The following FRMD3 variants were observed in gnomAD, a reference collection of about 807,000 sequenced individuals.
FRMD3 encodes FERM domain-containing protein 3.
Under a neutral mutation model 70.2 loss-of-function variants are expected in FRMD3, and 33 were observed. The observed-to-expected ratio is 0.47, with a 90% CI of 0.36 to 0.63. FRMD3 has a LOEUF of 0.63. Among genes scored for constraint, FRMD3 ranks in the 20% least tolerant of loss-of-function variants. FRMD3 has a pLI of 0.00. For synonymous variants in FRMD3, 279 were observed against 255.9 expected (o/e 1.09, Z -0.86); for missense variants, 632 against 711.4 (o/e 0.89, Z 1.27).
intron 10 of FRMD3, among the ~76,000 whole-genome samples, chr9:83,300,774 T>C (rs1164461075): frequency 6.6e-6 from 1 of 152,238 alleles, no homozygotes. Flanking sequence ...ACACATATTT[T>C]TTTTCCTTTC....
At chr9:83,571,840 T>C in the FRMD3 span, among the ~76,000 whole-genome samples, 1 of 152,180 alleles carries the variant, frequency 6.6e-6, no homozygotes, top group African/African-American at 2.4e-5. Context: ...GGCTGGAGTG[T>C]GTTTCAAAGA....
chr9:83,417,603 A>C (rs1336509980), intron 1 of FRMD3, among the ~76,000 whole-genome samples: 1 of 152,228 alleles, frequency 6.6e-6, no homozygotes, highest in Non-Finnish European at 1.5e-5. Context: ...ATCCAAGAGG[A>C]GGTGTCTAGC....
chr9:83,280,594 C>T (rs1452511313), intron 13 of FRMD3, among the ~76,000 whole-genome samples: 4 of 152,204 alleles, frequency 2.6e-5, no homozygotes, highest in Non-Finnish European at 5.9e-5. Context: ...ATATCACCCC[C>T]GCCCCTTTTC....
In FRMD3 at chr9:83,246,530, G is replaced by A. The variant is rs1832106700; in HGVS notation, c.*1388C>T. 1.0e-6 allele frequency: 1 copy of A among 984,990 alleles called. No individual in the cohort carries two copies. The highest frequency in any genetic ancestry group is 4.7e-5 in the South Asian group (1 of 21,264). The allele number at this position is 984,990 out of a possible 1,614,324, so 61.0% of individuals were successfully genotyped here. A position where few individuals can be genotyped will look rare whatever the true frequency, so the allele number is the denominator to read the frequency against. On this transcript the variant is annotated 3_prime_UTR_variant, in exon 14 of 14. Coordinates refer to ENST00000304195, the MANE Select transcript of FRMD3 (RefSeq NM_174938.6). ...GCTGAACTGGTATGTCATCTCATGAGGCCTCTCCAGTTTCTCTATGGAAGT... is the reference window on the plus strand; with the variant it reads ...GCTGAACTGGTATGTCATCTCATGAAGCCTCTCCAGTTTCTCTATGGAAGT...
chr9:83,349,658 A>G (rs1824079200), intron 4 of FRMD3, 21 bp downstream of exon 4: 9 of 1,579,766 alleles, frequency 5.7e-6, no homozygotes, highest in Non-Finnish European at 7.8e-6. Context: ...CACGTTAAAC[A>G]TACAAACAAA....
Position 83,248,088 on chromosome 9 carries a change from C to T in FRMD3, c.1624G>A (p.Val542Ile). Residue 542 changes from valine to isoleucine, a missense_variant, in exon 14 of 14, where the codon GTA (valine) becomes ATA (isoleucine). Coordinates refer to ENST00000304195, the MANE Select transcript of FRMD3 (RefSeq NM_174938.6). ...AAAAGGAGGAGGAGCAGGGGAAATA[C>T]AAAGAGCAGCAGTCCCAGGCCCACC... ...LVVGLGLLLF[V>I]FPLLLLLLES... 6.2e-7 allele frequency: 1 copy of T among 1,614,166 alleles called. No homozygotes were observed. The highest frequency in any genetic ancestry group is 8.5e-7 in the Non-Finnish European group (1 of 1,180,026).
chr9:83,501,741 C>A (rs1829073926), intron 1 of FRMD3, among the ~76,000 whole-genome samples: 1 of 152,176 alleles, frequency 6.6e-6, no homozygotes, highest in South Asian at 2.1e-4. Flanking sequence ...AACCACATCT[C>A]CTGTTTGTTC....
chr9:83,383,159 G>A (rs1167951765), intron 2 of FRMD3, among the ~76,000 whole-genome samples: 1 of 152,214 alleles, frequency 6.6e-6, no homozygotes, highest in Non-Finnish European at 1.5e-5. Context: ...TATGGATGAA[G>A]ATGTCTTGGA....
At chr9:83,417,757 T>C (rs767584615) in intron 1 of FRMD3, among the ~76,000 whole-genome samples, 1 of 152,146 alleles carries the variant, frequency 6.6e-6, no homozygotes, top group Non-Finnish European at 1.5e-5. Context: ...TTCTGTGGGA[T>C]GCCCAGGGGA....
rs184386354 is a variant in FRMD3 at position 83,270,169 on chromosome 9, T to A, written c.1195+20434A>T. Among the ~76,000 whole-genome samples, 11 of 152,306 alleles carry A rather than the reference T, an allele frequency of 7.2e-5. No homozygotes were observed. In the East Asian group the frequency reaches 2.1e-3, roughly 29 times the overall value. On this transcript the variant is annotated intron_variant, in intron 13 of 13. Coordinates refer to ENST00000304195, the MANE Select transcript of FRMD3 (RefSeq NM_174938.6). ...CCTTGAATACTGTTCCTGTTTCAAT[T>A]CATTTGTTTGTCTGAGAATTGGGAA...
intron 1 of FRMD3, among the ~76,000 whole-genome samples, chr9:83,407,392 T>G (rs1208573386): frequency 6.6e-6 from 1 of 152,200 alleles, no homozygotes; most frequent in Non-Finnish European, 1.5e-5. Context: ...TGCATACTAC[T>G]AGAAGTCTAA....
At chr9:83,463,937 T>A (rs1300514416) in intron 1 of FRMD3, among the ~76,000 whole-genome samples, 3 of 152,188 alleles carry the variant, frequency 2.0e-5, no homozygotes, top group Non-Finnish European at 4.4e-5. Flanking sequence ...TCATAAGAAT[T>A]GATTCAGCCT....
At chr9:83,533,852 G>A (rs1829838179) in intron 1 of FRMD3, among the ~76,000 whole-genome samples, 1 of 152,032 alleles carries the variant, frequency 6.6e-6, no homozygotes, top group African/African-American at 2.4e-5. Flanking sequence ...CAAATTTTCA[G>A]CCAATTCCAA....
chr9:83,411,365 G>A (rs17403571), intron 1 of FRMD3, among the ~76,000 whole-genome samples: 4,625 of 152,320 alleles, frequency 0.03, 85 homozygotes, highest in Non-Finnish European at 0.039. Context: ...GATGTGGAGA[G>A]ACAATAGCTA....
chr9:83,393,037 G>T (rs996930281), intron 1 of FRMD3, among the ~76,000 whole-genome samples: 4 of 152,210 alleles, frequency 2.6e-5, no homozygotes, highest in African/African-American at 7.2e-5. Flanking sequence ...CGTGAGCAGG[G>T]TCTAATACAA....
At chr9:83,438,956 A>C (rs924383050) in intron 1 of FRMD3, among the ~76,000 whole-genome samples, 1 of 152,182 alleles carries the variant, frequency 6.6e-6, no homozygotes, top group Non-Finnish European at 1.5e-5. Flanking sequence ...TTCTGGAGGA[A>C]GGAAGGAGAG....
chr9:83,349,888 T>C (rs1824089343), intron 3 of FRMD3, 131 bp from the exon 4 acceptor site: 11 of 608,308 alleles, frequency 1.8e-5, no homozygotes, highest in South Asian at 2.1e-5. Flanking sequence ...GTGATTGTTT[T>C]GGAAGAAGCA....
chr9:83,247,579 TA>T lies in FRMD3; in HGVS notation c.*338del. ...TTCTGATTCTGAACCTTATAGCTTATAATGGTGCCAACTATTAGAAATGGGA... is the reference window on the plus strand; with the variant it reads ...TTCTGATTCTGAACCTTATAGCTTATATGGTGCCAACTATTAGAAATGGGA... On this transcript the variant is annotated 3_prime_UTR_variant, in exon 14 of 14. Transcript: ENST00000304195. The T allele has an allele frequency of 9.7e-7, 1 of 1,027,330 alleles. No individual in the cohort carries two copies. 63.6% of individuals were successfully genotyped at this position (1,027,330 alleles called of 1,614,324 possible). A position where few individuals can be genotyped will look rare whatever the true frequency, so the allele number is the denominator to read the frequency against.
At chr9:83,334,971 T>C (rs1007415655) in intron 6 of FRMD3, among the ~76,000 whole-genome samples, 5 of 152,222 alleles carry the variant, frequency 3.3e-5, no homozygotes, top group African/African-American at 1.2e-4. Flanking sequence ...CTTAGAACAG[T>C]GTTAGGAACG....
Sources: allele counts gnomAD v4.1 joint callset (sites outside exome capture counted in the v4.1 genomes callset), GRCh38; gene constraint gnomAD v4.1.1; transcripts MANE v1.5; gene names NCBI Gene and HGNC (gene_info 2026-07-23, HGNC 2026-07-21).